The following ZNF385B variants were observed in gnomAD, a reference collection of about 807,000 sequenced individuals.
ZNF385B encodes the protein zinc finger protein 385B.
In ZNF385B, 23 loss-of-function variants were observed where a neutral mutation model predicts 39.2. The observed-to-expected ratio is 0.59, with a 90% CI of 0.42 to 0.83. The LOEUF (loss-of-function observed/expected upper bound fraction) is 0.83, where lower values mean the gene tolerates loss of function less well. Ranked by LOEUF, ZNF385B falls within the 40% of genes least tolerant of loss-of-function variation. The pLI is 0.00. For synonymous variants in ZNF385B, 205 were observed against 222.6 expected, an observed-to-expected ratio of 0.92 and a Z score of 0.70; for missense variants, 552 against 598.9, an observed-to-expected ratio of 0.92 and a Z score of 0.82.
chr2:179,704,698 T>C (rs1399703328), intron 3 of ZNF385B, among the ~76,000 whole-genome samples: 1 of 152,148 alleles, frequency 6.6e-6, no homozygotes, highest in African/African-American at 2.4e-5. Flanking sequence ...GGGCCAAAGG[T>C]ACTCTGAAGA....
chr2:179,707,260 T>C (rs1468144374), intron 3 of ZNF385B, among the ~76,000 whole-genome samples: 1 of 152,172 alleles, frequency 6.6e-6, no homozygotes, highest in African/African-American at 2.4e-5. Context: ...GGCTTCTCCA[T>C]CTATGGGACA....
At chr2:179,673,518 A>G (rs184759462) in intron 3 of ZNF385B, among the ~76,000 whole-genome samples, 1 of 152,340 alleles carries the variant, frequency 6.6e-6, no homozygotes, top group Non-Finnish European at 1.5e-5. Flanking sequence ...AATTTAGAAG[A>G]AAAAATGAGA....
chr2:179,693,773 C>T (rs562597340), intron 3 of ZNF385B, among the ~76,000 whole-genome samples: 1 of 152,180 alleles, frequency 6.6e-6, no homozygotes, highest in South Asian at 2.1e-4. Flanking sequence ...ACATTTGGTC[C>T]CTCCATCTCC....
intron 3 of ZNF385B, among the ~76,000 whole-genome samples, chr2:179,743,188 A>G (rs761015045): frequency 3.3e-5 from 5 of 152,046 alleles, no homozygotes; most frequent in Non-Finnish European, 7.4e-5. Flanking sequence ...CTCAACCCAC[A>G]AATTCAATTT....
chr2:179,588,625 C>G (rs757912328), intron 3 of ZNF385B, among the ~76,000 whole-genome samples: 7 of 152,166 alleles, frequency 4.6e-5, no homozygotes, highest in African/African-American at 7.2e-5. Context: ...ATGAAAACCA[C>G]TCATTTATCA....
At position 179,794,628 on chromosome 2, in the gene ZNF385B, G is replaced by A. The variant is rs183745868; in HGVS notation, c.-154-23956C>T. 9.9e-5 allele frequency among the ~76,000 whole-genome samples: 15 copies of A among 152,230 alleles called. No individual in the cohort carries two copies. The East Asian group carries it at 1.7e-3, about 18-fold the overall frequency. ...ACGATTTCTCTAGATTTGATTTGGC[G>A]TAGAGATAGGAAAGAGAAACATAAG... On this transcript the variant is annotated intron_variant, in intron 1 of 9. Transcript: ENST00000410066.
chr2:179,501,583 G>A (rs1253870430), intron 5 of ZNF385B, among the ~76,000 whole-genome samples: 13 of 152,156 alleles, frequency 8.5e-5, no homozygotes, highest in Admixed American at 6.5e-5. Flanking sequence ...GAGGCTGGAA[G>A]GGTAGCGGGG....
chr2:179,449,826 G>T (rs1373481094), intron 6 of ZNF385B, among the ~76,000 whole-genome samples: 2 of 152,140 alleles, frequency 1.3e-5, no homozygotes, highest in East Asian at 3.8e-4. Flanking sequence ...AAAGCTGGAG[G>T]CATCATGCTA....
chr2:179,624,199 A>G (rs1690463282), intron 3 of ZNF385B, among the ~76,000 whole-genome samples: 1 of 152,074 alleles, frequency 6.6e-6, no homozygotes, highest in South Asian at 2.1e-4. Context: ...GGTATTTGCT[A>G]TCTTTCCACT....
chr2:179,541,275 A>T (rs1396602828), intron 4 of ZNF385B, among the ~76,000 whole-genome samples: 1 of 152,196 alleles, frequency 6.6e-6, no homozygotes, highest in Admixed American at 6.5e-5. Flanking sequence ...AGGCAAGGCA[A>T]CCACTAAAAG....
chr2:179,728,169 A>G (rs1206972973), intron 3 of ZNF385B, among the ~76,000 whole-genome samples: 1 of 152,156 alleles, frequency 6.6e-6, no homozygotes, highest in Non-Finnish European at 1.5e-5. Context: ...AGTTATCTCA[A>G]TAATAATCTC....
chr2:179,681,169 G>A (rs181265119), intron 3 of ZNF385B, among the ~76,000 whole-genome samples: 60 of 148,568 alleles, frequency 4.0e-4, no homozygotes, highest in African/African-American at 1.3e-3. Flanking sequence ...AAACCTCTTC[G>A]TTTTTAAAAC....
chr2:179,617,063 C>A lies in ZNF385B; in HGVS notation c.299-72094G>T, dbSNP rs116627292. ...GTTACCTTTGCCATTTTTATTTGAT[C>A]CCCAAAGTTGCAACTACCAATTTTC... On this transcript the variant is annotated intron_variant, in intron 3 of 9. Coordinates refer to ENST00000410066, the MANE Select transcript of ZNF385B (RefSeq NM_152520.6). 2.9e-3 allele frequency among the ~76,000 whole-genome samples: 434 copies of A among 152,254 alleles called. 3 individuals are homozygous for A. Among genetic ancestry groups the A allele is most frequent in the South Asian group, 9.1e-3 (44 of 4,818 alleles).
At chr2:179,756,236 T>A (rs1013387938) in intron 3 of ZNF385B, among the ~76,000 whole-genome samples, 1 of 152,320 alleles carries the variant, frequency 6.6e-6, no homozygotes, top group East Asian at 1.9e-4. Context: ...CCTTCACTTA[T>A]GAAGCTTAGT....
chr2:179,606,940 A>G (rs928095625), intron 3 of ZNF385B, among the ~76,000 whole-genome samples: 1 of 152,072 alleles, frequency 6.6e-6, no homozygotes, highest in Non-Finnish European at 1.5e-5. Context: ...AGTGTGTGCT[A>G]TGTATCTCCT....
chr2:179,855,983 T>C (rs200074756), intron 1 of ZNF385B, among the ~76,000 whole-genome samples: 1 of 152,148 alleles, frequency 6.6e-6, no homozygotes, highest in East Asian at 1.9e-4. Flanking sequence ...CATTCCTAAA[T>C]ACCGCACTAC....
chr2:179,843,028 A>T (rs982859636), intron 1 of ZNF385B, among the ~76,000 whole-genome samples: 1 of 152,162 alleles, frequency 6.6e-6, no homozygotes, highest in Non-Finnish European at 1.5e-5. Context: ...CTGCCACAGC[A>T]TTGAGGGTGC....
At chr2:179,852,412 T>A (rs1051334266) in intron 1 of ZNF385B, among the ~76,000 whole-genome samples, 1 of 152,112 alleles carries the variant, frequency 6.6e-6, no homozygotes, top group Non-Finnish European at 1.5e-5. Flanking sequence ...AAGGTGAAAC[T>A]CTATGTAGTC....
At chr2:179,479,605 C>T (rs1018153969) in intron 6 of ZNF385B, among the ~76,000 whole-genome samples, 3 of 152,130 alleles carry the variant, frequency 2.0e-5, no homozygotes, top group South Asian at 2.1e-4. Flanking sequence ...TTTAGGAGGC[C>T]GTGGCAGGCG....
Sources: allele counts gnomAD v4.1 joint callset (sites outside exome capture counted in the v4.1 genomes callset), GRCh38; gene constraint gnomAD v4.1.1; transcripts MANE v1.5; gene names NCBI Gene and HGNC (gene_info 2026-07-23, HGNC 2026-07-21).